The following CYB5B variants were observed in gnomAD, a reference collection of about 807,000 sequenced individuals.
CYB5B encodes the protein cytochrome b5 type B (outer mitochondrial membrane).
CYB5B carries 14 observed loss-of-function variants against 21.3 expected under a neutral mutation model. The observed-to-expected ratio is 0.66, with a 90% CI of 0.43 to 1.03. CYB5B has a LOEUF of 1.03. CYB5B is among the 50% of genes least tolerant of loss of function. The pLI is 0.00. For synonymous variants in CYB5B, 69 were observed against 68.4 expected (o/e 1.01, Z -0.04); for missense variants, 166 against 185.1 (o/e 0.90, Z 0.60).
chr16:69,431,995 C>T (rs890192873), intron 1 of CYB5B, among the ~76,000 whole-genome samples: 6 of 152,104 alleles, frequency 3.9e-5, no homozygotes, highest in African/African-American at 1.4e-4. Context: ...GGTCATGAAC[C>T]TGATTTGGAA....
intron 2 of CYB5B, 22 bp from the exon 3 acceptor site, chr16:69,448,093 T>A: frequency 6.2e-7 from 1 of 1,608,138 alleles, no homozygotes; most frequent in Non-Finnish European, 8.5e-7. Flanking sequence ...TAAAATATTA[T>A]TTGTTTTCCT....
Position 69,424,800 on chromosome 16 carries a change from G to T in CYB5B, c.117G>T (p.Lys39Asn), listed in dbSNP as rs1432162253. ...AGGTGGCAAAGCGCAACTCCTTGAAGGAACTGTGGCTTGTGATCCATGGGC... is the reference window on the plus strand; with the variant it reads ...AGGTGGCAAAGCGCAACTCCTTGAATGAACTGTGGCTTGTGATCCATGGGC... ...LEEVAKRNSL[K>N]ELWLVIHGRV... The change falls in exon 1 of 5, where the codon AAG (lysine) becomes AAT (asparagine). Residue 39 changes from lysine (K) to asparagine (N), a missense_variant. Coordinates refer to ENST00000307892, the MANE Select transcript of CYB5B (RefSeq NM_030579.3). 2.5e-6 allele frequency: 4 copies of T among 1,608,682 alleles called. No individual in the cohort carries two copies. The highest frequency in any genetic ancestry group is 3.4e-6 in the Non-Finnish European group (4 of 1,177,358).
At chr16:69,436,344 T>C (rs371001882) in intron 1 of CYB5B, among the ~76,000 whole-genome samples, 8 of 152,318 alleles carry the variant, frequency 5.3e-5, no homozygotes, top group Admixed American at 2.6e-4. Flanking sequence ...TGAGAATCAG[T>C]GCAGTGGGAC....
chr16:69,459,196 T>G, intron 4 of CYB5B, 75 bp downstream of exon 4: 2 of 1,527,508 alleles, frequency 1.3e-6, no homozygotes, highest in South Asian at 1.3e-5. Context: ...AGTATATGTA[T>G]GTAACATAAC....
chr16:69,428,296 G>A (rs779327365), intron 1 of CYB5B, among the ~76,000 whole-genome samples: 8 of 152,190 alleles, frequency 5.3e-5, no homozygotes, highest in African/African-American at 1.7e-4. Flanking sequence ...TGGCACAGGA[G>A]GCAGACGATA....
intron 1 of CYB5B, among the ~76,000 whole-genome samples, chr16:69,425,888 C>G (rs1332708144): frequency 6.6e-6 from 1 of 152,188 alleles, no homozygotes; most frequent in Non-Finnish European, 1.5e-5. Context: ...TTCTATTTCT[C>G]TGAAGCAAAT....
intron 1 of CYB5B, among the ~76,000 whole-genome samples, chr16:69,440,200 A>G (rs1286462205): frequency 6.6e-6 from 1 of 152,210 alleles, no homozygotes; most frequent in African/African-American, 2.4e-5. Flanking sequence ...TAAGTGTACA[A>G]TTCAATTGTT....
At chr16:69,459,056 T>G in intron 3 of CYB5B, 37 bp from the exon 4 acceptor site, 2 of 1,534,716 alleles carry the variant, frequency 1.3e-6, no homozygotes, top group Non-Finnish European at 1.8e-6. Flanking sequence ...TTTCTTTTTG[T>G]TTGTTATTTT....
At chr16:69,451,817 G>A (rs1008793462) in intron 3 of CYB5B, among the ~76,000 whole-genome samples, 2 of 151,980 alleles carry the variant, frequency 1.3e-5, no homozygotes, top group Admixed American at 1.3e-4. Context: ...CGGCCGTGGC[G>A]GCGGGCAACT....
At chr16:69,433,053 C>T (rs1247246130) in intron 1 of CYB5B, among the ~76,000 whole-genome samples, 1 of 152,192 alleles carries the variant, frequency 6.6e-6, no homozygotes, top group Non-Finnish European at 1.5e-5. Flanking sequence ...CTGCCTCAGC[C>T]TCCCAAAGTG....
chr16:69,452,661 C>A (rs2014947093), intron 3 of CYB5B, among the ~76,000 whole-genome samples: 1 of 151,600 alleles, frequency 6.6e-6, no homozygotes, highest in Middle Eastern at 3.5e-3. Context: ...CAGAACGAGA[C>A]CCTGTCTCAA....
intron 1 of CYB5B, among the ~76,000 whole-genome samples, chr16:69,439,872 CATTT>C (rs2014801532): frequency 6.6e-6 from 1 of 151,478 alleles, no homozygotes; most frequent in African/African-American, 2.4e-5. Flanking sequence ...CCATCTTAAA[CATTT>C]GTTTGTTTTA....
At chr16:69,433,007 G>GTA (rs2014722171) in intron 1 of CYB5B, among the ~76,000 whole-genome samples, 1 of 151,972 alleles carries the variant, frequency 6.6e-6, no homozygotes, top group Non-Finnish European at 1.5e-5. Flanking sequence ...CGTGTTGGCC[G>GTA]GGCTGGTCTC....
intron 1 of CYB5B, among the ~76,000 whole-genome samples, chr16:69,438,003 C>A (rs1409652030): frequency 6.6e-6 from 1 of 152,106 alleles, no homozygotes; most frequent in African/African-American, 2.4e-5. Context: ...TCATCAGTAC[C>A]ATCTATCTCC....
chr16:69,460,186 A>G (rs1047587068), intron 4 of CYB5B, among the ~76,000 whole-genome samples: 3 of 151,966 alleles, frequency 2.0e-5, no homozygotes, highest in Admixed American at 6.6e-5. Context: ...GTGAGCCAAG[A>G]TCGCTCCATT....
At chr16:69,440,443 G>A (rs543128344) in intron 1 of CYB5B, among the ~76,000 whole-genome samples, 19 of 152,186 alleles carry the variant, frequency 1.2e-4, no homozygotes, top group Admixed American at 7.8e-4. Context: ...CCACCATCTG[G>A]TTCTTCCTCA....
rs752146458 is a variant in CYB5B, at chr16:69,459,117, A to G, written c.358A>G (p.Lys120Glu). 5.6e-6 allele frequency: 9 copies of G among 1,604,378 alleles called. No homozygotes were observed. Among genetic ancestry groups the G allele is most frequent in the South Asian group, 1.1e-5 (1 of 88,422 alleles). Residue 120 changes from lysine (K) to glutamate (E), a missense_variant, in exon 4 of 5, where the codon AAA (lysine) becomes GAA (glutamate). Lys to Glu is a moderately conservative substitution (Grantham distance 56). Coordinates refer to ENST00000307892, the MANE Select transcript of CYB5B (RefSeq NM_030579.3). Reference sequence around the variant, plus strand: ...GGACCCTTCAAAAAATGATACATGCAAAAGGTTAGTATCTCCTTAACAGCT... The same window carrying G: ...GGACCCTTCAAAAAATGATACATGCGAAAGGTTAGTATCTCCTTAACAGCT... ...SKDPSKNDTC[K>E]SCWAYWILPI... is the part of the protein sequence containing the mutation.
rs929297596 is a variant in CYB5B, at chr16:69,463,507, A to G, written c.*987A>G. On this transcript the variant is annotated 3_prime_UTR_variant, in exon 5 of 5. Transcript: ENST00000307892. ...ACCATCTGTTTTTTCTACCCTAGCT[A>G]TCTTTTATTGGTAAAATATAAATGT... 2.0e-5 allele frequency: 3 copies of G among 152,172 alleles called. No individual in the cohort carries two copies. The highest frequency in any genetic ancestry group is 2.9e-5 in the Non-Finnish European group (2 of 68,016). 9.4% of individuals were successfully genotyped at this position (152,172 alleles called of 1,614,324 possible).
intron 3 of CYB5B, among the ~76,000 whole-genome samples, chr16:69,452,738 G>A (rs189965909): frequency 1.2e-4 from 19 of 152,132 alleles, no homozygotes; most frequent in Non-Finnish European, 2.4e-4. Context: ...GCTGGGGGCG[G>A]TGGCTCACGC....
Sources: allele counts gnomAD v4.1 joint callset (sites outside exome capture counted in the v4.1 genomes callset), GRCh38; gene constraint gnomAD v4.1.1; transcripts MANE v1.5; gene names NCBI Gene and HGNC (gene_info 2026-07-23, HGNC 2026-07-21).